Variants in ASIC1 observed in about 807,000 individuals in gnomAD.
ASIC1 encodes the protein acid-sensing ion channel 1.
In ASIC1, 21 loss-of-function variants were observed where a neutral mutation model predicts 63.4. That is an observed-to-expected ratio of 0.33 (90% CI 0.23 to 0.48). ASIC1 has a LOEUF of 0.48. Ranked by LOEUF, ASIC1 falls within the 20% of genes least tolerant of loss-of-function variation. The probability of loss-of-function intolerance (pLI) is 0.99; values close to 1 mark genes in which losing one functional copy is unlikely to be tolerated. For synonymous variants in ASIC1, 258 were observed against 278.2 expected (o/e 0.93, Z 0.72); for missense variants, 478 against 695.5 (o/e 0.69, Z 3.52).
At chr12:50,070,068 G>A (rs1303470990) in intron 3 of ASIC1, among the ~76,000 whole-genome samples, 1 of 152,132 alleles carries the variant, frequency 6.6e-6, no homozygotes, top group African/African-American at 2.4e-5. Context: ...GGGGTGGCTG[G>A]AATGAAGAAA....
At position 50,059,108 on chromosome 12, in the gene ASIC1, G is replaced by T; in HGVS notation, c.342G>T (p.Leu114=). The T allele has an allele frequency of 6.2e-7, 1 of 1,613,598 alleles. No homozygotes were observed. Among genetic ancestry groups the T allele is most frequent in the South Asian group, 1.1e-5 (1 of 91,070 alleles). The change falls in exon 2 of 12, where the codon CTG becomes CTT. Residue 114 remains leucine, a synonymous_variant. Transcript: ENST00000447966. This position sits in a 1 kb window ranked among gnomAD's most constrained non-coding sequence, Gnocchi z 4.6. The stretch of plus-strand genomic sequence containing the variant: ...ATGACCTGTATCATGCTGGGGAGCT[G>T]CTGGCCCTGCTCAACAACAGGTGGG... ...SKNDLYHAGE[L]LALLNNRYEI... is the part of the protein sequence containing the mutation.
In ASIC1 at chr12:50,074,169, C is replaced by T; in HGVS notation, c.559-3044C>T. 2 of 1,534,336 alleles carry T rather than the reference C, an allele frequency of 1.3e-6. No homozygotes were observed. The highest frequency in any genetic ancestry group is 1.2e-5 in the South Asian group (1 of 83,860). On this transcript the variant is annotated intron_variant, in intron 3 of 11. Transcript: ENST00000447966. The surrounding 1 kb of genome is among the most constrained non-coding windows in gnomAD (Gnocchi z 4.2). ...ACCTGCACCGCTTCTACAATCGCTC[C>T]TGCCACCGGCTGGAGGACATGCTGC...
chr12:50,072,794 A>C (rs553676562), intron 3 of ASIC1, among the ~76,000 whole-genome samples: 1 of 152,266 alleles, frequency 6.6e-6, no homozygotes, highest in Non-Finnish European at 1.5e-5. Flanking sequence ...GGGCTGGCCC[A>C]CAAGCCACAG....
rs146323044 is a variant in ASIC1 at position 50,075,423 on chromosome 12, C to A, written c.559-1790C>A. 4.6e-5 allele frequency among the ~76,000 whole-genome samples: 7 copies of A among 152,328 alleles called. No homozygotes were observed. The East Asian group carries it at 1.4e-3, about 29-fold the overall frequency. On this transcript the variant is annotated intron_variant, in intron 3 of 11. Transcript: ENST00000447966. Reference sequence around the variant, plus strand: ...ACCGGCGCAAGACAGGGCTGCTAGCCGGCCTCAGACACCTCTAATCCCATA... The same window carrying A: ...ACCGGCGCAAGACAGGGCTGCTAGCAGGCCTCAGACACCTCTAATCCCATA...
At chr12:50,077,915 T>A in intron 4 of ASIC1, 85 bp from the exon 5 acceptor site, 2 of 1,534,818 alleles carry the variant, frequency 1.3e-6, no homozygotes, top group African/African-American at 2.8e-5. Context: ...TATGCTTATT[T>A]CCAGGAGAGG....
chr12:50,074,248 A>G lies in ASIC1; in HGVS notation c.559-2965A>G. The G allele has an allele frequency of 6.8e-7, 1 of 1,464,212 alleles. No homozygotes were observed. Among genetic ancestry groups the G allele is most frequent in the Non-Finnish European group, 9.0e-7 (1 of 1,109,780 alleles). The allele number at this position is 1,464,212 out of a possible 1,614,324, so 90.7% of individuals were successfully genotyped here. On this transcript the variant is annotated intron_variant, in intron 3 of 11. Coordinates refer to ENST00000447966, the MANE Select transcript of ASIC1 (RefSeq NM_001095.4). The surrounding 1 kb of genome is among the most constrained non-coding windows in gnomAD (Gnocchi z 4.2). ...CGGCCCTCACAACTTCTCAGTGGTG[A>G]GTGGAGCCCCATGCCTGCCACAGTA... is the stretch of plus-strand genomic sequence containing the variant.
In ASIC1 at chr12:50,074,092, G is replaced by T; in HGVS notation, c.559-3121G>T. On this transcript the variant is annotated intron_variant, in intron 3 of 11. Coordinates refer to ENST00000447966, the MANE Select transcript of ASIC1 (RefSeq NM_001095.4). This position sits in a 1 kb window ranked among gnomAD's most constrained non-coding sequence, Gnocchi z 4.2. ...GGGACTGGATGAAAGTGATGACCCC[G>T]GGGTGCCCCTCGCTCCACCGGGCCC... 1 of 1,535,456 alleles carries T rather than the reference G, an allele frequency of 6.5e-7. No homozygotes were observed. Among genetic ancestry groups the T allele is most frequent in the Non-Finnish European group, 8.7e-7 (1 of 1,146,530 alleles).
chr12:50,081,703 G>A lies in ASIC1; in HGVS notation c.*54G>A. The stretch of plus-strand genomic sequence containing the variant: ...AGATGGGGAGGACTAGGAGAGCGAG[G>A]GGGCCCCCAGCTGCCTCCTCACATC... On this transcript the variant is annotated 3_prime_UTR_variant, in exon 12 of 12. Transcript: ENST00000447966. The A allele has an allele frequency of 2.6e-6, 4 of 1,561,916 alleles. No individual in the cohort carries two copies. Among genetic ancestry groups the A allele is most frequent in the Non-Finnish European group, 2.6e-6 (3 of 1,147,860 alleles).
At chr12:50,080,848 A>G in intron 9 of ASIC1, 1 of 905,900 alleles carries the variant, frequency 1.1e-6, no homozygotes, top group Non-Finnish European at 1.7e-6. Context: ...ATATGCCCCT[A>G]AACTAAGAGG....
intron 11 of ASIC1, 40 bp from the exon 12 acceptor site, chr12:50,081,505 C>T: frequency 1.9e-6 from 3 of 1,565,102 alleles, no homozygotes; most frequent in East Asian, 4.8e-5. Context: ...TGAAGCCCTT[C>T]CGAGGGATAA....
intron 3 of ASIC1, among the ~76,000 whole-genome samples, chr12:50,075,686 T>TAG (rs1950648762): frequency 1.3e-5 from 2 of 152,206 alleles, no homozygotes; most frequent in African/African-American, 4.8e-5. Flanking sequence ...AGTAACCTAC[T>TAG]GCCATTGCTG....
chr12:50,072,860 C>T (rs991958970), intron 3 of ASIC1, among the ~76,000 whole-genome samples: 4 of 151,384 alleles, frequency 2.6e-5, no homozygotes, highest in East Asian at 2.0e-4. Context: ...GTGGGTAGGA[C>T]GAGGGCTGGT....
rs1950634226 is a variant in ASIC1, at chr12:50,074,541, C to T, written c.559-2672C>T. On this transcript the variant is annotated intron_variant, in intron 3 of 11. Transcript: ENST00000447966. This position sits in a 1 kb window ranked among gnomAD's most constrained non-coding sequence, Gnocchi z 4.2. ...ATGTCCTCCAGCTTTACCTGCCCTT[C>T]TCAAGACTTCCTCATGGTCCAGCAG... is the stretch of plus-strand genomic sequence containing the variant. Among the ~76,000 whole-genome samples the T allele has an allele frequency of 6.6e-6, 1 of 152,230 alleles. No individual in the cohort carries two copies. The highest frequency in any genetic ancestry group is 2.4e-5 in the African/African-American group (1 of 41,446).
At chr12:50,060,775 T>C (rs1592264769) in intron 3 of ASIC1, among the ~76,000 whole-genome samples, 2 of 152,272 alleles carry the variant, frequency 1.3e-5, no homozygotes, top group South Asian at 4.2e-4. Context: ...TCACACAGAT[T>C]CCTGAGGGTT....
chr12:50,058,353 G>A (rs1022088145), intron 1 of ASIC1, among the ~76,000 whole-genome samples: 28 of 152,184 alleles, frequency 1.8e-4, no homozygotes, highest in Non-Finnish European at 8.8e-5. Context: ...TCCTTACCCC[G>A]GGGTCAGCCC....
chr12:50,071,485 T>C (rs1780753785), intron 3 of ASIC1, among the ~76,000 whole-genome samples: 1 of 151,734 alleles, frequency 6.6e-6, no homozygotes, highest in South Asian at 2.1e-4. Flanking sequence ...GGTTTCACTG[T>C]GTTAGCCAGG....
In ASIC1 at chr12:50,078,676, C is replaced by T. The variant is rs1950683847; in HGVS notation, c.994+99C>T. ...ATCAATCTCCCAACCCCAGTTCCAG[C>T]CCACCCCATCCCACACCCACCTGGC... On this transcript the variant is annotated intron_variant, in intron 6 of 11. Transcript: ENST00000447966. The surrounding 1 kb of genome is among the most constrained non-coding windows in gnomAD (Gnocchi z 6.0). 1.3e-6 allele frequency: 2 copies of T among 1,517,134 alleles called. No individual in the cohort carries two copies. The highest frequency in any genetic ancestry group is 1.2e-5 in the South Asian group (1 of 84,610). 94.0% of individuals were successfully genotyped at this position (1,517,134 alleles called of 1,614,324 possible).
In ASIC1 at chr12:50,057,769, C is replaced by T. The variant is rs1950458948; in HGVS notation, c.-164C>T. 1.3e-5 allele frequency: 2 copies of T among 149,944 alleles called. No individual in the cohort carries two copies. The highest frequency in any genetic ancestry group is 4.8e-5 in the African/African-American group (2 of 41,254). 9.3% of individuals were successfully genotyped at this position (149,944 alleles called of 1,614,324 possible). ...GAGCCGAGCGGGGCCGGGCGGGGCG[C>T]TCCCTGCAGGGCTCTGCGCGGCGTG... On this transcript the variant is annotated 5_prime_UTR_variant, in exon 1 of 12. Coordinates refer to ENST00000447966, the MANE Select transcript of ASIC1 (RefSeq NM_001095.4). This position sits in a 1 kb window ranked among gnomAD's most constrained non-coding sequence, Gnocchi z 4.7.
intron 4 of ASIC1, 94 bp downstream of exon 4, chr12:50,077,457 C>T (rs532765653): frequency 6.6e-7 from 1 of 1,515,788 alleles, no homozygotes; most frequent in East Asian, 2.4e-5. Context: ...CTGGGCAGGG[C>T]CCGGGCTTTC....
Sources: gnomAD v4.1 joint callset for allele counts (sites outside exome capture counted in the v4.1 genomes callset) on GRCh38, gnomAD v4.1.1 for gene constraint, Gnocchi (gnomAD v3.1) non-coding constraint, MANE v1.5 for transcripts, NCBI Gene and HGNC (gene_info 2026-07-23, HGNC 2026-07-21) for gene names.